MED13L: variants seen among roughly 807,000 people sequenced by gnomAD.
MED13L encodes the protein mediator complex subunit 13L, also known as mediator of RNA polymerase II transcription subunit 13-like.
In MED13L, 7 loss-of-function variants were observed where a neutral mutation model predicts 220.9. That is an observed-to-expected ratio of 0.03 (90% confidence interval 0.02 to 0.06). MED13L has a LOEUF of 0.06. Among genes scored for constraint, MED13L ranks in the 10% least tolerant of loss-of-function variants. The pLI, the probability that MED13L is intolerant of heterozygous loss-of-function variation, is 1.00. For missense variants in MED13L, 1,965 were observed against 2,760.5 expected (o/e 0.71, Z 6.46); for synonymous variants, 1,011 against 1,015.2 (o/e 1.00, Z 0.08).
intron 4 of MED13L, among the ~76,000 whole-genome samples, chr12:116,030,447 C>G (rs1168216586): frequency 1.3e-5 from 2 of 151,970 alleles, no homozygotes; most frequent in Non-Finnish European, 2.9e-5. Context: ...ACAGTACTTA[C>G]AAGTAATTTA....
At position 116,046,952 on chromosome 12, in the gene MED13L, G is replaced by A. The variant is rs556633864; in HGVS notation, c.480-24351C>T. The stretch of plus-strand genomic sequence containing the variant: ...CGCACCAATGCACTCCAGCCTGGGC[G>A]ACAGAGTGAGACTCCCTCTCAAAAA... On this transcript the variant is annotated intron_variant, in intron 4 of 30. Coordinates refer to ENST00000281928, the MANE Select transcript of MED13L (RefSeq NM_015335.5). Among the ~76,000 whole-genome samples, 4 of 152,208 alleles carry A rather than the reference G, an allele frequency of 2.6e-5. No homozygotes were observed. In the East Asian group the frequency reaches 5.8e-4, roughly 22 times the overall value.
intron 2 of MED13L, among the ~76,000 whole-genome samples, chr12:116,111,736 T>C (rs557534475): frequency 6.6e-6 from 1 of 152,280 alleles, no homozygotes; most frequent in East Asian, 1.9e-4. Flanking sequence ...GTCTGAAATA[T>C]GAGGCATGGT....
chr12:116,075,237 C>A (rs1281646646), intron 4 of MED13L, among the ~76,000 whole-genome samples: 1 of 152,168 alleles, frequency 6.6e-6, no homozygotes, highest in East Asian at 1.9e-4. Flanking sequence ...CTAGCAGCTG[C>A]CCCTTTGCAG....
At chr12:115,990,988 C>T (rs1375327262) in intron 17 of MED13L, 32 bp downstream of exon 17, 3 of 1,603,846 alleles carry the variant, frequency 1.9e-6, no homozygotes, top group Admixed American at 1.7e-5. Context: ...CAAGATACTC[C>T]TCAAAGTAAA....
At chr12:116,241,306 TA>T (rs1231415481) in intron 1 of MED13L, among the ~76,000 whole-genome samples, 7 of 127,414 alleles carry the variant, frequency 5.5e-5, no homozygotes, top group Admixed American at 2.4e-4. Flanking sequence ...TCCGTCTCTT[TA>T]AAAAAAAAAC....
chr12:116,219,885 C>A (rs1410701222), intron 2 of MED13L, among the ~76,000 whole-genome samples: 1 of 152,118 alleles, frequency 6.6e-6, no homozygotes, highest in Non-Finnish European at 1.5e-5. Context: ...GCAACCTCTG[C>A]CTCCCGGGTT....
Position 115,982,673 on chromosome 12 carries a change from CT to C in MED13L, c.4956-71del, listed in dbSNP as rs57452298. 4,964 of 1,319,554 alleles carry C rather than the reference CT, an allele frequency of 3.8e-3. 158 individuals carry two copies. The African/African-American group carries it at 0.064, about 17-fold the overall frequency. 81.7% of individuals were successfully genotyped at this position (1,319,554 alleles called of 1,614,324 possible). A position where few individuals can be genotyped will look rare whatever the true frequency, so the allele number is the denominator to read the frequency against. On this transcript the variant is annotated intron_variant, in intron 21 of 30. Coordinates refer to ENST00000281928, the MANE Select transcript of MED13L (RefSeq NM_015335.5). Reference sequence around the variant, plus strand: ...TACACGAACATGAAAAACAAAAGGGCTCAATTCTAGAGCACACAGGCTCCCT... The same window carrying C: ...TACACGAACATGAAAAACAAAAGGGCCAATTCTAGAGCACACAGGCTCCCT...
intron 2 of MED13L, among the ~76,000 whole-genome samples, chr12:116,146,224 G>A (rs1877500316): frequency 6.6e-6 from 1 of 152,178 alleles, no homozygotes; most frequent in Non-Finnish European, 1.5e-5. Flanking sequence ...CTGGGTTCAA[G>A]CGATTCTCCT....
At chr12:116,192,163 C>A (rs1171983412) in intron 2 of MED13L, among the ~76,000 whole-genome samples, 1 of 152,148 alleles carries the variant, frequency 6.6e-6, no homozygotes, top group African/African-American at 2.4e-5. Flanking sequence ...TGCCTTTGTA[C>A]AACCAGTGCC....
intron 18 of MED13L, 68 bp downstream of exon 18, chr12:115,987,041 A>C: frequency 6.7e-7 from 1 of 1,501,560 alleles, no homozygotes; most frequent in Non-Finnish European, 9.3e-7. Context: ...ACTTGACAGT[A>C]ACTAACGCTG....
intron 2 of MED13L, among the ~76,000 whole-genome samples, chr12:116,146,471 C>T (rs1304522030): frequency 1.3e-5 from 2 of 151,062 alleles, no homozygotes; most frequent in Non-Finnish European, 1.5e-5. Context: ...ATCAGTTATC[C>T]TTAGTGTTCG....
intron 4 of MED13L, among the ~76,000 whole-genome samples, chr12:116,049,653 C>G (rs1359292610): frequency 6.6e-6 from 1 of 152,156 alleles, no homozygotes; most frequent in African/African-American, 2.4e-5. Flanking sequence ...ACAGTTCTAA[C>G]ATTATTGGTA....
intron 27 of MED13L, 55 bp from the exon 28 acceptor site, chr12:115,969,152 A>C: frequency 6.4e-7 from 1 of 1,561,248 alleles, no homozygotes; most frequent in East Asian, 2.3e-5. Flanking sequence ...TCCACATATC[A>C]ATATCATAAT....
chr12:116,209,160 G>A (rs1312452437), intron 2 of MED13L, among the ~76,000 whole-genome samples: 1 of 152,104 alleles, frequency 6.6e-6, no homozygotes, highest in Non-Finnish European at 1.5e-5. Flanking sequence ...AATCATCAAT[G>A]ATTATGAGGC....
intron 4 of MED13L, among the ~76,000 whole-genome samples, chr12:116,070,891 C>T (rs1249048374): frequency 6.6e-6 from 1 of 152,146 alleles, no homozygotes; most frequent in Non-Finnish European, 1.5e-5. Context: ...GTGAATCTTA[C>T]AAATAATTGG....
chr12:116,247,063 A>G (rs1280372433), intron 1 of MED13L, among the ~76,000 whole-genome samples: 5 of 152,132 alleles, frequency 3.3e-5, no homozygotes, highest in African/African-American at 7.2e-5. Context: ...AAAAGTAACT[A>G]TGACCTCAGT....
Position 116,019,937 on chromosome 12 carries a change from T to A in MED13L, c.661A>T (p.Thr221Ser). 1 of 1,613,810 alleles carries A rather than the reference T, an allele frequency of 6.2e-7. No individual in the cohort carries two copies. The change falls in exon 6 of 31, where the codon ACA becomes TCA. Residue 221 changes from threonine (T) to serine (S), a missense_variant. Around this residue, in one of 10 missense-constraint regions of MED13L, gnomAD observed 818 missense variants for 1,041.2 expected, o/e 0.79. Transcript: ENST00000281928. ...TCTGACATCTTGTATGCTTGGCCTG[T>A]TAGCGTCCCATTTAAGCCATAAGGA... is the stretch of plus-strand genomic sequence containing the variant. Reference protein sequence around the residue: ...VSPYGLNGTLTGQAYKMSDPA... With the variant: ...VSPYGLNGTLSGQAYKMSDPA...
At position 115,960,797 on chromosome 12, in the gene MED13L, T is replaced by A. The variant is rs2137180414; in HGVS notation, c.*469A>T. ...CCAGTATGAAACCATGTACTTGAGCTGGTTCTTATTTTTAAAAAGTCCCAG... is the reference window on the plus strand; with the variant it reads ...CCAGTATGAAACCATGTACTTGAGCAGGTTCTTATTTTTAAAAAGTCCCAG... On this transcript the variant is annotated 3_prime_UTR_variant, in exon 31 of 31. Transcript: ENST00000281928. 4.5e-6 allele frequency: 1 copy of A among 221,998 alleles called. No individual in the cohort carries two copies. Among genetic ancestry groups the A allele is most frequent in the South Asian group, 7.9e-5 (1 of 12,634 alleles). The allele number at this position is 221,998 out of a possible 1,614,324, so 13.8% of individuals were successfully genotyped here.
chr12:116,110,486 C>T (rs868048337), intron 3 of MED13L, among the ~76,000 whole-genome samples: 13 of 151,946 alleles, frequency 8.6e-5, no homozygotes, highest in Middle Eastern at 3.2e-3. Flanking sequence ...ATGAACAGTA[C>T]AACCATAATG....
Sources: allele counts gnomAD v4.1 joint callset (sites outside exome capture counted in the v4.1 genomes callset), GRCh38; gene constraint gnomAD v4.1.1; regional missense constraint gnomAD v4.1.1; transcripts MANE v1.5; gene names NCBI Gene and HGNC (gene_info 2026-07-23, HGNC 2026-07-21).